CSMD1: variants seen among roughly 807,000 people sequenced by gnomAD.
CSMD1 encodes the protein CUB and Sushi multiple domains 1.
CSMD1 carries 213 observed loss-of-function variants against 417.5 expected under a neutral mutation model. The observed-to-expected ratio is 0.51, with a 90% CI of 0.46 to 0.57. CSMD1 has a LOEUF of 0.57. CSMD1 is among the 20% of genes least tolerant of loss of function. The pLI, the probability that CSMD1 is intolerant of heterozygous loss-of-function variation, is 0.00. For synonymous variants in CSMD1, 2,862 were observed against 1,736.8 expected, an observed-to-expected ratio of 1.65 and a Z score of -16.11; for missense variants, 6,923 against 4,529.7, an observed-to-expected ratio of 1.53 and a Z score of -15.17.
intron 5 of CSMD1, among the ~76,000 whole-genome samples, chr8:3,823,745 CTT>C (rs1424373261): frequency 6.6e-6 from 1 of 152,020 alleles, no homozygotes; most frequent in Non-Finnish European, 1.5e-5. Context: ...ACAAAGTAAA[CTT>C]ATATGTTTTT....
At chr8:4,596,545 G>A (rs568904738) in intron 2 of CSMD1, among the ~76,000 whole-genome samples, 1 of 139,012 alleles carries the variant, frequency 7.2e-6, no homozygotes, top group African/African-American at 2.5e-5. Context: ...CAAGCTATAA[G>A]CTTTTCTAAA....
At chr8:3,387,385 C>G (rs1031198470) in intron 18 of CSMD1, 109 bp downstream of exon 18, 3 of 848,476 alleles carry the variant, frequency 3.5e-6, no homozygotes, top group South Asian at 1.8e-5. Flanking sequence ...GGAACTCACG[C>G]CAGTCGTAAG....
intron 3 of CSMD1, among the ~76,000 whole-genome samples, chr8:4,205,541 T>C (rs73496546): frequency 0.011 from 1,654 of 152,290 alleles, 34 homozygotes; most frequent in African/African-American, 0.037. Flanking sequence ...GAAACTGACA[T>C]TGAAAGTTGA....
intron 4 of CSMD1, among the ~76,000 whole-genome samples, chr8:4,024,668 A>C (rs1005294952): frequency 6.6e-6 from 1 of 152,172 alleles, no homozygotes; most frequent in African/African-American, 2.4e-5. Flanking sequence ...ATTGCCAAGG[A>C]GACACTGCAT....
At chr8:4,326,494 G>C (rs755504348) in intron 3 of CSMD1, among the ~76,000 whole-genome samples, 1 of 152,168 alleles carries the variant, frequency 6.6e-6, no homozygotes, top group Non-Finnish European at 1.5e-5. Flanking sequence ...AGAGGAGATA[G>C]GAAAAAAGGT....
At chr8:3,874,971 G>A (rs1463827230) in intron 5 of CSMD1, among the ~76,000 whole-genome samples, 1 of 152,102 alleles carries the variant, frequency 6.6e-6, no homozygotes, top group Non-Finnish European at 1.5e-5. Flanking sequence ...CCATGAAGGA[G>A]CCAAGCAGGA....
At chr8:4,707,780 G>C (rs533474537) in intron 1 of CSMD1, among the ~76,000 whole-genome samples, 1 of 151,436 alleles carries the variant, frequency 6.6e-6, no homozygotes, top group Non-Finnish European at 1.5e-5. Context: ...CCAGCTACTC[G>C]GGAGGCTGAA....
intron 2 of CSMD1, among the ~76,000 whole-genome samples, chr8:4,503,067 T>C (rs1802338737): frequency 6.6e-6 from 1 of 152,222 alleles, no homozygotes; most frequent in Admixed American, 6.5e-5. Flanking sequence ...ACTATAGTTC[T>C]GTAAAGGTGC....
chr8:3,835,332 CGA>C (rs1802618624), intron 5 of CSMD1, among the ~76,000 whole-genome samples: 1 of 152,070 alleles, frequency 6.6e-6, no homozygotes, highest in Non-Finnish European at 1.5e-5. Flanking sequence ...TGTCCAACAA[CGA>C]CAGACTGGAT....
intron 57 of CSMD1, among the ~76,000 whole-genome samples, chr8:2,971,361 G>A (rs1032556940): frequency 1.3e-5 from 2 of 152,122 alleles, no homozygotes; most frequent in Non-Finnish European, 2.9e-5. Context: ...TCTTAAATCT[G>A]AAAGAATCAC....
chr8:3,927,203 T>C (rs1809798185), intron 5 of CSMD1, among the ~76,000 whole-genome samples: 1 of 151,952 alleles, frequency 6.6e-6, no homozygotes. Flanking sequence ...ATCTAACAGC[T>C]TCTAATAAAT....
chr8:4,524,942 C>T (rs1189647726), intron 2 of CSMD1, among the ~76,000 whole-genome samples: 3 of 152,146 alleles, frequency 2.0e-5, no homozygotes, highest in Non-Finnish European at 4.4e-5. Context: ...GCCACACTAT[C>T]AGAAAACTGA....
intron 5 of CSMD1, among the ~76,000 whole-genome samples, chr8:3,902,594 T>G (rs562772791): frequency 1.3e-5 from 2 of 152,166 alleles, no homozygotes; most frequent in African/African-American, 4.8e-5. Flanking sequence ...CACGATCCTA[T>G]GAAAATCTAA....
chr8:4,487,971 T>G (rs1801500553), intron 2 of CSMD1, among the ~76,000 whole-genome samples: 1 of 152,192 alleles, frequency 6.6e-6, no homozygotes, highest in African/African-American at 2.4e-5. Flanking sequence ...GAAATGTATA[T>G]GTGAAAATCC....
At chr8:3,620,463 T>C (rs750272268) in intron 7 of CSMD1, among the ~76,000 whole-genome samples, 6 of 152,166 alleles carry the variant, frequency 3.9e-5, no homozygotes, top group Non-Finnish European at 8.8e-5. Context: ...AAAATAATTA[T>C]GCATTTACGC....
chr8:3,949,177 C>T (rs997085380), intron 5 of CSMD1, among the ~76,000 whole-genome samples: 1 of 152,136 alleles, frequency 6.6e-6, no homozygotes, highest in Non-Finnish European at 1.5e-5. Context: ...ATATGCATTG[C>T]TTTACATCCT....
chr8:4,816,917 T>C (rs754431397), intron 1 of CSMD1, among the ~76,000 whole-genome samples: 1 of 151,856 alleles, frequency 6.6e-6, no homozygotes, highest in Non-Finnish European at 1.5e-5. Context: ...TAACAATCAC[T>C]CCCATCTACT....
intron 7 of CSMD1, among the ~76,000 whole-genome samples, chr8:3,700,789 A>C (rs1211001679): frequency 1.3e-5 from 2 of 152,132 alleles, no homozygotes; most frequent in African/African-American, 4.8e-5. Flanking sequence ...ACCAGGATGC[A>C]AGGGTGGGAG....
At chr8:4,227,130 G>A (rs981674348) in intron 3 of CSMD1, among the ~76,000 whole-genome samples, 5 of 152,112 alleles carry the variant, frequency 3.3e-5, no homozygotes, top group African/African-American at 1.2e-4. Context: ...CCAAGAGAAG[G>A]GTTTTTTAGC....
Sources: gnomAD v4.1 joint callset for allele counts (sites outside exome capture counted in the v4.1 genomes callset) on GRCh38, gnomAD v4.1.1 for gene constraint, MANE v1.5 for transcripts, NCBI Gene and HGNC (gene_info 2026-07-23, HGNC 2026-07-21) for gene names.